Variants in ZNF316 observed in about 807,000 individuals in gnomAD.
ZNF316 encodes zinc finger protein 316.
In ZNF316, 23 loss-of-function variants were observed where a neutral mutation model predicts 75.6. The observed-to-expected ratio is 0.30, with a 90% confidence interval of 0.22 to 0.43. The LOEUF is 0.43. ZNF316 is among the 20% of genes least tolerant of loss of function. ZNF316 has a pLI of 1.00. For missense variants in ZNF316, 1,266 were observed against 1,409.4 expected (o/e 0.90, Z 1.63); for synonymous variants, 827 against 666.2 (o/e 1.24, Z -3.72).
intron 8 of ZNF316, among the ~76,000 whole-genome samples, chr7:6,647,230 C>T (rs536574787): frequency 6.6e-6 from 1 of 152,248 alleles, no homozygotes; most frequent in East Asian, 1.9e-4. Flanking sequence ...AGGGGCAGGC[C>T]CAGTGCCTGT....
chr7:6,651,243 C>T (rs998496869), intron 8 of ZNF316, among the ~76,000 whole-genome samples: 12 of 151,992 alleles, frequency 7.9e-5, no homozygotes, highest in African/African-American at 1.2e-4. Context: ...TCCAGTTACT[C>T]GGGAGACTGA....
At position 6,642,806 on chromosome 7, in the gene ZNF316, T is replaced by C; in HGVS notation, c.355+42T>C. On this transcript the variant is annotated intron_variant, in intron 5 of 8. Transcript: ENST00000382252. The surrounding 1 kb of genome is among the most constrained non-coding windows in gnomAD (Gnocchi z 8.1). ...GCCTTGGGGAGGAGATGAAGGGGGC[T>C]GAGGTGGGCCAGGCCAGGGACCTGG... 1 of 1,232,856 alleles carries C rather than the reference T, an allele frequency of 8.1e-7. No individual in the cohort carries two copies. Among genetic ancestry groups the C allele is most frequent in the Non-Finnish European group, 1.0e-6 (1 of 988,550 alleles). The allele number at this position is 1,232,856 out of a possible 1,614,324, so 76.4% of individuals were successfully genotyped here. A position where few individuals can be genotyped will look rare whatever the true frequency, so the allele number is the denominator to read the frequency against.
At position 6,657,260 on chromosome 7, in the gene ZNF316, C is replaced by A. The variant is rs1772486129; in HGVS notation, c.*2649C>A. On this transcript the variant is annotated 3_prime_UTR_variant, in exon 9 of 9. Coordinates refer to ENST00000382252, the MANE Select transcript of ZNF316 (RefSeq NM_001278559.2). ...CTGCCTGTCTTGGCCTTCCAAAGTG[C>A]TGGGATTGCAGGTGTGAGTCACCGC... is the stretch of plus-strand genomic sequence containing the variant. 7.4e-6 allele frequency among the ~76,000 whole-genome samples: 1 copy of A among 134,434 alleles called. No homozygotes were observed. Among genetic ancestry groups the A allele is most frequent in the Non-Finnish European group, 1.5e-5 (1 of 66,044 alleles). 88.2% of individuals were successfully genotyped at this position (134,434 alleles called of 152,430 possible).
Position 6,654,156 on chromosome 7 carries a change from A to T in ZNF316, c.2560A>T (p.Thr854Ser). The T allele has an allele frequency of 8.2e-7, 1 of 1,222,134 alleles. No homozygotes were observed. Among genetic ancestry groups the T allele is most frequent in the Non-Finnish European group, 1.0e-6 (1 of 981,120 alleles). The allele number at this position is 1,222,134 out of a possible 1,614,324, so 75.7% of individuals were successfully genotyped here. A position where few individuals can be genotyped will look rare whatever the true frequency, so the allele number is the denominator to read the frequency against. The change falls in exon 9 of 9, where the codon ACG (threonine) becomes TCG (serine). Residue 854 changes from threonine to serine, a missense_variant. Thr to Ser is a moderately conservative substitution (Grantham distance 58). Transcript: ENST00000382252. Reference sequence around the variant, plus strand: ...CTTCAAGCGGCATCGGCGCACGCACACGGGCGAGAAGCCCTTCCGCTGCGC... The same window carrying T: ...CTTCAAGCGGCATCGGCGCACGCACTCGGGCGAGAAGCCCTTCCGCTGCGC... ...SDFKRHRRTH[T>S]GEKPFRCADC...
rs1475118300 is a variant in ZNF316, at chr7:6,642,999, G to A, written c.391G>A (p.Asp131Asn). ...QASRAPATPR[D>N]EDLEEEEEEE... ...CTCCCGGGCTCCAGCCACTCCTAGG[G>A]ATGAGGACCTGGAGGAGGAGGAAGA... The change falls in exon 6 of 9, where the codon GAT becomes AAT. Residue 131 changes from aspartate to asparagine, a missense_variant. Around this residue, in one of 3 missense-constraint regions of ZNF316, gnomAD observed 961 missense variants for 990.9 expected, o/e 0.97. Coordinates refer to ENST00000382252, the MANE Select transcript of ZNF316 (RefSeq NM_001278559.2). The surrounding 1 kb of genome is among the most constrained non-coding windows in gnomAD (Gnocchi z 8.1). The A allele has an allele frequency of 1.6e-6, 2 of 1,237,372 alleles. No homozygotes were observed. Among genetic ancestry groups the A allele is most frequent in the South Asian group, 4.1e-5 (1 of 24,550 alleles). 76.6% of individuals were successfully genotyped at this position (1,237,372 alleles called of 1,614,324 possible).
rs1779629520 is a variant in ZNF316 at position 6,656,463 on chromosome 7, C to A, written c.*1852C>A. On this transcript the variant is annotated 3_prime_UTR_variant, in exon 9 of 9. Coordinates refer to ENST00000382252, the MANE Select transcript of ZNF316 (RefSeq NM_001278559.2). Reference sequence around the variant, plus strand: ...GACTGGACTCCATGCTGTCGCCACTCCTGGGAACCCGTCGGGGAGGCTCTG... The same window carrying A: ...GACTGGACTCCATGCTGTCGCCACTACTGGGAACCCGTCGGGGAGGCTCTG... 6.6e-6 allele frequency: 1 copy of A among 152,236 alleles called. No homozygotes were observed. Among genetic ancestry groups the A allele is most frequent in the South Asian group, 2.1e-4 (1 of 4,834 alleles). 9.4% of individuals were successfully genotyped at this position (152,236 alleles called of 1,614,324 possible). A position where few individuals can be genotyped will look rare whatever the true frequency, so the allele number is the denominator to read the frequency against.
At position 6,655,258 on chromosome 7, in the gene ZNF316, G is replaced by A. The variant is rs1460665219; in HGVS notation, c.*647G>A. The A allele has an allele frequency of 6.6e-6, 1 of 152,118 alleles. No individual in the cohort carries two copies. The highest frequency in any genetic ancestry group is 1.5e-5 in the Non-Finnish European group (1 of 68,056). The allele number at this position is 152,118 out of a possible 1,614,324, so 9.4% of individuals were successfully genotyped here. On this transcript the variant is annotated 3_prime_UTR_variant, in exon 9 of 9. Transcript: ENST00000382252. ...GTATGGCCTGAAGAATCTAGGAGGA[G>A]AAAAAGCCAGATACCAAACTTACGG...
rs982444107 is a variant in ZNF316 at position 6,639,530 on chromosome 7, G to C, written c.-167+389G>C. ...AAAAGGGGAAGAGAGTTCTGGGGAT[G>C]GGGAATAACACACACACGGCCTGAG... On this transcript the variant is annotated intron_variant, in intron 3 of 8. Coordinates refer to ENST00000382252, the MANE Select transcript of ZNF316 (RefSeq NM_001278559.2). The surrounding 1 kb of genome is among the most constrained non-coding windows in gnomAD (Gnocchi z 4.2). Among the ~76,000 whole-genome samples the C allele has an allele frequency of 5.9e-5, 9 of 152,186 alleles. No individual in the cohort carries two copies. The highest frequency in any genetic ancestry group is 5.2e-4 in the Admixed American group (8 of 15,262).
rs1779533795 is a variant in ZNF316 at position 6,652,774 on chromosome 7, G to A, written c.1178G>A (p.Arg393His). Residue 393 changes from arginine to histidine, a missense_variant, in exon 9 of 9, where the codon CGC becomes CAC. Coordinates refer to ENST00000382252, the MANE Select transcript of ZNF316 (RefSeq NM_001278559.2). ...VYRSHLAIHQ[R>H]THTGEKPFPC... ...CGCTCGCACTTGGCCATCCACCAGC[G>A]CACGCACACCGGCGAGAAGCCCTTC... The A allele has an allele frequency of 3.1e-6, 4 of 1,271,994 alleles. No individual in the cohort carries two copies. The highest frequency in any genetic ancestry group is 9.9e-7 in the Non-Finnish European group (1 of 1,008,548). The allele number at this position is 1,271,994 out of a possible 1,614,324, so 78.8% of individuals were successfully genotyped here.
In ZNF316 at chr7:6,654,273, G is replaced by A. The variant is rs1779574216; in HGVS notation, c.2677G>A (p.Gly893Ser). The change falls in exon 9 of 9, where the codon GGC (glycine) becomes AGC (serine). Residue 893 changes from glycine to serine, a missense_variant. This residue lies in a region of ZNF316 where 194 missense variants were observed against 319.2 expected (regional missense o/e 0.61). Transcript: ENST00000382252. ...GERPFPCPEC[G>S]KRFSQRSVLV... ...ACGCCCCTTCCCGTGCCCTGAGTGC[G>A]GCAAGCGCTTTTCGCAGCGCTCGGT... The A allele has an allele frequency of 1.6e-6, 2 of 1,224,134 alleles. No homozygotes were observed. Among genetic ancestry groups the A allele is most frequent in the Non-Finnish European group, 2.0e-6 (2 of 982,390 alleles). The allele number at this position is 1,224,134 out of a possible 1,614,324, so 75.8% of individuals were successfully genotyped here.
chr7:6,649,378 G>A (rs190221020), intron 8 of ZNF316, among the ~76,000 whole-genome samples: 2 of 152,274 alleles, frequency 1.3e-5, no homozygotes, highest in Non-Finnish European at 2.9e-5. Flanking sequence ...TCCTGCCCCA[G>A]TGCCCTCCAG....
chr7:6,652,026 G>C (rs1256882547), intron 8 of ZNF316, among the ~76,000 whole-genome samples: 2 of 152,266 alleles, frequency 1.3e-5, no homozygotes, highest in African/African-American at 2.4e-5. Flanking sequence ...AGAGATGTTG[G>C]ACGGGAGCCC....
Position 6,654,521 on chromosome 7 carries a change from G to A in ZNF316, c.2925G>A (p.Leu975=). The A allele has an allele frequency of 8.5e-7, 1 of 1,177,726 alleles. No individual in the cohort carries two copies. The highest frequency in any genetic ancestry group is 1.0e-6 in the Non-Finnish European group (1 of 953,266). 73.0% of individuals were successfully genotyped at this position (1,177,726 alleles called of 1,614,324 possible). ...SAGPGERGSA[L]LEFAGGTSFG... is the part of the protein sequence containing the mutation. ...GCCCCGGTGAGCGCGGCAGCGCCCT[G>A]CTGGAGTTCGCGGGCGGCACAAGCT... is the stretch of plus-strand genomic sequence containing the variant. The change falls in exon 9 of 9, where the codon CTG becomes CTA. Residue 975 remains leucine, a synonymous_variant. Transcript: ENST00000382252.
chr7:6,654,694 G>A lies in ZNF316; in HGVS notation c.*83G>A, dbSNP rs1223778644. ...GCCGGCCCCCCGCTCCTCGGGCCCCGGGAGGCTGAGGGTCCCAGTCCTGGG... is the reference window on the plus strand; with the variant it reads ...GCCGGCCCCCCGCTCCTCGGGCCCCAGGAGGCTGAGGGTCCCAGTCCTGGG... On this transcript the variant is annotated 3_prime_UTR_variant, in exon 9 of 9. Coordinates refer to ENST00000382252, the MANE Select transcript of ZNF316 (RefSeq NM_001278559.2). 10 of 1,085,346 alleles carry A rather than the reference G, an allele frequency of 9.2e-6. No individual in the cohort carries two copies. The highest frequency in any genetic ancestry group is 1.1e-5 in the Non-Finnish European group (10 of 882,766). The allele number at this position is 1,085,346 out of a possible 1,614,324, so 67.2% of individuals were successfully genotyped here. A position where few individuals can be genotyped will look rare whatever the true frequency, so the allele number is the denominator to read the frequency against.
At chr7:6,651,651 T>C (rs942975496) in intron 8 of ZNF316, among the ~76,000 whole-genome samples, 3 of 151,370 alleles carry the variant, frequency 2.0e-5, no homozygotes, top group African/African-American at 7.3e-5. Flanking sequence ...TAATCGCAGC[T>C]ACTTGGGAGG....
At position 6,653,892 on chromosome 7, in the gene ZNF316, G is replaced by T; in HGVS notation, c.2296G>T (p.Val766Leu). 1.8e-6 allele frequency: 2 copies of T among 1,108,656 alleles called. No homozygotes were observed. Among genetic ancestry groups the T allele is most frequent in the Non-Finnish European group, 2.2e-6 (2 of 909,546 alleles). 68.7% of individuals were successfully genotyped at this position (1,108,656 alleles called of 1,614,324 possible). ...CCGCGGCTCGCACTTGGCGGCGCAC[G>T]TGCGCGGCCACACGGGCGAGAAGCC... ...FARGSHLAAH[V>L]RGHTGEKPFV... Residue 766 changes from valine (V) to leucine (L), a missense_variant, in exon 9 of 9, where the codon GTG becomes TTG. Val to Leu is a conservative substitution (Grantham distance 32, BLOSUM62 1). Transcript: ENST00000382252.
rs868511103 is a variant in ZNF316, at chr7:6,657,330, A to G, written c.*2719A>G. Among the ~76,000 whole-genome samples, 2,793 of 150,778 alleles carry G rather than the reference A, an allele frequency of 0.019. 48 individuals carry two copies. The highest frequency in any genetic ancestry group is 0.032 in the Non-Finnish European group (2,168 of 67,576). On this transcript the variant is annotated 3_prime_UTR_variant, in exon 9 of 9. Transcript: ENST00000382252. ...ATATTTCAAAAAAAAAAAAAAAAAA[A>G]AAAAAAAAGCCGGGCATAGTGGTAT...
intron 8 of ZNF316, among the ~76,000 whole-genome samples, chr7:6,651,658 G>T (rs1354178013): frequency 6.6e-6 from 1 of 152,092 alleles, no homozygotes. Flanking sequence ...AGCTACTTGG[G>T]AGGCTGAGGT....
Position 6,643,008 on chromosome 7 carries a change from C to G in ZNF316, c.400C>G (p.Leu134Val). ...TCCAGCCACTCCTAGGGATGAGGAC[C>G]TGGAGGAGGAGGAAGAGGAGGAGGA... is the stretch of plus-strand genomic sequence containing the variant. ...RAPATPRDED[L>V]EEEEEEEEDE... is the part of the protein sequence containing the mutation. The change falls in exon 6 of 9, where the codon CTG (leucine) becomes GTG (valine). Residue 134 changes from leucine to valine, a missense_variant. Leu to Val is a conservative substitution (Grantham distance 32). Coordinates refer to ENST00000382252, the MANE Select transcript of ZNF316 (RefSeq NM_001278559.2). The G allele has an allele frequency of 8.1e-7, 1 of 1,234,310 alleles. No individual in the cohort carries two copies. Among genetic ancestry groups the G allele is most frequent in the Non-Finnish European group, 1.0e-6 (1 of 989,810 alleles). The allele number at this position is 1,234,310 out of a possible 1,614,324, so 76.5% of individuals were successfully genotyped here.
Sources: allele counts gnomAD v4.1 joint callset (sites outside exome capture counted in the v4.1 genomes callset), GRCh38; gene constraint gnomAD v4.1.1; regional missense constraint gnomAD v4.1.1; non-coding constraint Gnocchi (gnomAD v3.1); transcripts MANE v1.5; gene names NCBI Gene and HGNC (gene_info 2026-07-23, HGNC 2026-07-21).